Variants in EPB41L2 observed in about 807,000 individuals in gnomAD.
The protein encoded by EPB41L2 is erythrocyte membrane protein band 4.1 like 2.
A neutral mutation model predicts 113.0 loss-of-function variants in EPB41L2; 43 were observed. The ratio of observed to expected loss-of-function variants is 0.38; its 90% CI spans 0.30 to 0.49. The LOEUF (loss-of-function observed/expected upper bound fraction) is 0.49. Among genes scored for constraint, EPB41L2 ranks in the 20% least tolerant of loss-of-function variants. EPB41L2 has a pLI of 0.95. For missense variants in EPB41L2, 1,147 were observed against 1,223.4 expected, an observed-to-expected ratio of 0.94 and a Z score of 0.93; for synonymous variants, 442 against 436.7, an observed-to-expected ratio of 1.01 and a Z score of -0.15.
At chr6:131,051,441 C>T (rs907455820) in intron 1 of EPB41L2, among the ~76,000 whole-genome samples, 27 of 66,858 alleles carry the variant, frequency 4.0e-4, no homozygotes, top group African/African-American at 1.7e-3. Context: ...AACAAATTCA[C>T]AAAAGTAAAG....
chr6:130,984,344 C>T (rs1780034830), intron 1 of EPB41L2, among the ~76,000 whole-genome samples: 1 of 152,148 alleles, frequency 6.6e-6, no homozygotes, highest in African/African-American at 2.4e-5. Context: ...GTAACATAAT[C>T]ATCTATCATT....
intron 14 of EPB41L2, among the ~76,000 whole-genome samples, chr6:130,874,153 G>A (rs180986086): frequency 2.3e-4 from 35 of 152,086 alleles, no homozygotes; most frequent in Non-Finnish European, 4.7e-4. Flanking sequence ...CACGTTAAGA[G>A]GATTACAATA....
chr6:131,010,693 G>A (rs756126246), intron 1 of EPB41L2, among the ~76,000 whole-genome samples: 34 of 152,092 alleles, frequency 2.2e-4, no homozygotes, highest in South Asian at 2.1e-4. Context: ...AATTACAGGC[G>A]TGAGCCACTG....
At chr6:130,858,878 C>A (rs1246997267) in intron 18 of EPB41L2, among the ~76,000 whole-genome samples, 1 of 152,242 alleles carries the variant, frequency 6.6e-6, no homozygotes, top group Non-Finnish European at 1.5e-5. Context: ...AGAACAGAGA[C>A]TGACTAATCT....
intron 17 of EPB41L2, 84 bp from the exon 18 acceptor site, chr6:130,863,802 A>C: frequency 1.2e-6 from 1 of 841,308 alleles, no homozygotes; most frequent in Non-Finnish European, 2.0e-6. Context: ...ATGGGAGTCC[A>C]CCTAGACCTG....
intron 1 of EPB41L2, among the ~76,000 whole-genome samples, chr6:130,977,345 C>A (rs1778411291): frequency 8.7e-6 from 1 of 114,548 alleles, no homozygotes; most frequent in African/African-American, 4.0e-5. Context: ...TAAGGCCCAG[C>A]AGTTAGATTA....
At chr6:130,999,308 T>C (rs1783828169) in intron 1 of EPB41L2, among the ~76,000 whole-genome samples, 1 of 152,140 alleles carries the variant, frequency 6.6e-6, no homozygotes, top group Non-Finnish European at 1.5e-5. Context: ...CAACCAACCA[T>C]ACCCTTTTGC....
At chr6:130,981,645 G>C (rs1265975596) in intron 1 of EPB41L2, among the ~76,000 whole-genome samples, 2 of 152,186 alleles carry the variant, frequency 1.3e-5, no homozygotes. Context: ...CACTGAAGTT[G>C]TAACTGACTC....
At chr6:130,987,288 T>C (rs1455350694) in intron 1 of EPB41L2, among the ~76,000 whole-genome samples, 1 of 152,204 alleles carries the variant, frequency 6.6e-6, no homozygotes, top group Non-Finnish European at 1.5e-5. Context: ...GTTAAGTTTC[T>C]GAGGACACAC....
chr6:131,002,829 T>C (rs1784646477), intron 1 of EPB41L2, among the ~76,000 whole-genome samples: 1 of 152,196 alleles, frequency 6.6e-6, no homozygotes, highest in African/African-American at 2.4e-5. Context: ...GTTTGGGTGG[T>C]CTCAATTTTT....
At chr6:130,954,040 C>CTTTCTTTCTTTT (rs1816373036) in intron 3 of EPB41L2, among the ~76,000 whole-genome samples, 23 of 58,862 alleles carry the variant, frequency 3.9e-4, no homozygotes, top group African/African-American at 1.1e-3. Flanking sequence ...CCTTTTCTTT[C>CTTTCTTTCTTTT]TTTTTTTTTT....
chr6:130,987,215 C>T (rs536125563), intron 1 of EPB41L2, among the ~76,000 whole-genome samples: 19 of 152,240 alleles, frequency 1.2e-4, no homozygotes, highest in South Asian at 2.1e-4. Flanking sequence ...TGTGGTCATA[C>T]GTTTTCATTT....
intron 10 of EPB41L2, 62 bp downstream of exon 10, chr6:130,894,282 G>T: frequency 7.4e-7 from 1 of 1,360,464 alleles, no homozygotes; most frequent in Non-Finnish European, 1.1e-6. Context: ...TGCCTCCTGA[G>T]TCAGTGGAAT....
rs9492788 is a variant in EPB41L2 at position 131,034,162 on chromosome 6, C to T, written c.-15+28993G>A. Among the ~76,000 whole-genome samples, 514 of 152,242 alleles carry T rather than the reference C, an allele frequency of 3.4e-3. 5 individuals carry two copies. The highest frequency in any genetic ancestry group is 0.012 in the African/African-American group (492 of 41,528). ...GGTGTAATACTACTGCAAGTTGACA[C>T]TAGAGACCTATTTTCTTAACCACAC... On this transcript the variant is annotated intron_variant, in intron 1 of 19. Coordinates refer to ENST00000337057, the MANE Select transcript of EPB41L2 (RefSeq NM_001431.4).
chr6:131,004,846 C>A (rs1562712249), intron 1 of EPB41L2, among the ~76,000 whole-genome samples: 3 of 152,176 alleles, frequency 2.0e-5, no homozygotes, highest in Non-Finnish European at 4.4e-5. Flanking sequence ...CCGAATGTAG[C>A]CCTCCTGCTT....
intron 1 of EPB41L2, among the ~76,000 whole-genome samples, chr6:131,051,907 T>C (rs767957032): frequency 1.3e-5 from 2 of 151,900 alleles, no homozygotes; most frequent in African/African-American, 2.4e-5. Context: ...ATTAAGGAAA[T>C]TAGGATGTAG....
intron 1 of EPB41L2, among the ~76,000 whole-genome samples, chr6:130,986,152 G>C (rs1468989830): frequency 1.3e-5 from 2 of 152,152 alleles, no homozygotes; most frequent in African/African-American, 4.8e-5. Flanking sequence ...AAATACAAGA[G>C]TAGTGTAACA....
At chr6:131,034,862 C>A (rs1268116637) in intron 1 of EPB41L2, among the ~76,000 whole-genome samples, 1 of 152,240 alleles carries the variant, frequency 6.6e-6, no homozygotes, top group African/African-American at 2.4e-5. Flanking sequence ...TTCAAAAGAA[C>A]AAACAAGACT....
intron 3 of EPB41L2, among the ~76,000 whole-genome samples, chr6:130,935,539 G>A (rs1045631633): frequency 6.6e-6 from 1 of 151,926 alleles, no homozygotes; most frequent in South Asian, 2.1e-4. Flanking sequence ...TGTGGAAAAT[G>A]GCACCAAAAA....
Sources: allele counts gnomAD v4.1 joint callset (sites outside exome capture counted in the v4.1 genomes callset), GRCh38; gene constraint gnomAD v4.1.1; transcripts MANE v1.5; gene names NCBI Gene and HGNC (gene_info 2026-07-23, HGNC 2026-07-21).